The following NR3C2 variants were observed in gnomAD, a reference collection of about 807,000 sequenced individuals.
NR3C2 encodes mineralocorticoid receptor.
A neutral mutation model predicts 86.4 loss-of-function variants in NR3C2; 15 were observed. The observed-to-expected ratio is 0.17, with a 90% CI of 0.12 to 0.27. The LOEUF (loss-of-function observed/expected upper bound fraction) is 0.27. NR3C2 is among the 10% of genes least tolerant of loss of function. NR3C2 has a pLI of 1.00. For missense variants in NR3C2, 960 were observed against 1,195.6 expected, an observed-to-expected ratio of 0.80 and a Z score of 2.91; for synonymous variants, 458 against 450.5, an observed-to-expected ratio of 1.02 and a Z score of -0.21.
chr4:148,202,410 T>C (rs1020195103), intron 3 of NR3C2, among the ~76,000 whole-genome samples: 7 of 152,240 alleles, frequency 4.6e-5, no homozygotes, highest in African/African-American at 1.7e-4. Flanking sequence ...TTCATCCTTT[T>C]GTGGGAGAGC....
chr4:148,344,568 T>C (rs965537104), intron 2 of NR3C2, among the ~76,000 whole-genome samples: 6 of 152,164 alleles, frequency 3.9e-5, no homozygotes, highest in South Asian at 4.1e-4. Flanking sequence ...ACTCAATGAA[T>C]GTTAGCTGCT....
rs547279244 is a variant in NR3C2 at position 148,139,720 on chromosome 4, C to T, written c.2510+12749G>A. Among the ~76,000 whole-genome samples, 9 of 152,252 alleles carry T rather than the reference C, an allele frequency of 5.9e-5. No individual in the cohort carries two copies. The South Asian group carries it at 1.9e-3, about 32-fold the overall frequency. On this transcript the variant is annotated intron_variant, in intron 6 of 8. Coordinates refer to ENST00000358102, the MANE Select transcript of NR3C2 (RefSeq NM_000901.5). Reference sequence around the variant, plus strand: ...TGCACAGTGCGCTTTAATAAGCAGGCCGAGGGTCTCCAAATATGACCTTCT... The same window carrying T: ...TGCACAGTGCGCTTTAATAAGCAGGTCGAGGGTCTCCAAATATGACCTTCT...
At chr4:148,431,015 A>C (rs1483104781) in intron 2 of NR3C2, among the ~76,000 whole-genome samples, 2 of 152,204 alleles carry the variant, frequency 1.3e-5, no homozygotes, top group Non-Finnish European at 2.9e-5. Flanking sequence ...GTCTAAGTCA[A>C]TGTTAGCCCT....
intron 3 of NR3C2, among the ~76,000 whole-genome samples, chr4:148,246,780 T>C (rs1739335801): frequency 6.6e-6 from 1 of 152,184 alleles, no homozygotes; most frequent in African/African-American, 2.4e-5. Context: ...CTCAAACTCC[T>C]GGCCTCAAGT....
rs924765172 is a variant in NR3C2 at position 148,369,287 on chromosome 4, C to T, written c.1757+65817G>A. Among the ~76,000 whole-genome samples the T allele has an allele frequency of 3.9e-5, 6 of 152,154 alleles. No homozygotes were observed. The East Asian group carries it at 9.6e-4, about 24-fold the overall frequency. ...TTACAAATTGACAAAATGAAGATCT[C>T]TTTAGAAAGTTTGTTTCTTAAAGTA... is the stretch of plus-strand genomic sequence containing the variant. On this transcript the variant is annotated intron_variant, in intron 2 of 8. Coordinates refer to ENST00000358102, the MANE Select transcript of NR3C2 (RefSeq NM_000901.5).
At chr4:148,365,733 T>C (rs1040053870) in intron 2 of NR3C2, among the ~76,000 whole-genome samples, 7 of 125,982 alleles carry the variant, frequency 5.6e-5, no homozygotes, top group African/African-American at 1.9e-4. Flanking sequence ...ATAATTTCTA[T>C]TAGCAGCAAA....
chr4:148,122,665 C>A (rs965947410), intron 6 of NR3C2, among the ~76,000 whole-genome samples: 4 of 152,240 alleles, frequency 2.6e-5, no homozygotes, highest in Non-Finnish European at 4.4e-5. Flanking sequence ...AACGGAGGGA[C>A]TGGCTGGAGC....
At chr4:148,163,130 A>G (rs1166709829) in intron 4 of NR3C2, among the ~76,000 whole-genome samples, 2 of 152,222 alleles carry the variant, frequency 1.3e-5, no homozygotes, top group Admixed American at 1.3e-4. Flanking sequence ...TAGATTAGAC[A>G]TTAGGAGAAT....
chr4:148,318,727 G>A (rs13115808), intron 2 of NR3C2, among the ~76,000 whole-genome samples: 1 of 146,374 alleles, frequency 6.8e-6, no homozygotes, highest in African/African-American at 2.4e-5. Context: ...GGGGTTGTTT[G>A]TTTTTTTCTT....
At position 148,143,793 on chromosome 4, in the gene NR3C2, C is replaced by G. The variant is rs1024554628; in HGVS notation, c.2510+8676G>C. On this transcript the variant is annotated intron_variant, in intron 6 of 8. Coordinates refer to ENST00000358102, the MANE Select transcript of NR3C2 (RefSeq NM_000901.5). ...AAACCCCATCTCTACTAAAAAAATA[C>G]AAAATTAACCAGGTGTGGTGGCACA... Among the ~76,000 whole-genome samples the G allele has an allele frequency of 1.5e-4, 23 of 151,606 alleles. 1 individual carries two copies. The highest frequency in any genetic ancestry group is 5.9e-5 in the Non-Finnish European group (4 of 67,894).
rs780468873 is a variant in NR3C2, at chr4:148,081,437, T to C, written c.2862A>G (p.Val954=). 3.1e-6 allele frequency: 5 copies of C among 1,614,142 alleles called. No homozygotes were observed. The highest frequency in any genetic ancestry group is 4.2e-6 in the Non-Finnish European group (5 of 1,180,014). Residue 954 remains valine (V), a synonymous_variant, in exon 9 of 9, where the codon GTA becomes GTG. Coordinates refer to ENST00000358102, the MANE Select transcript of NR3C2 (RefSeq NM_000901.5). The part of the protein sequence containing the change: ...YTFRESHALK[V]EFPAMLVEII... ...TCTCCACCAGCATTGCGGGGAACTCTACCTTCAGCGCATGGGACTCTCGGA... is the reference window on the plus strand; with the variant it reads ...TCTCCACCAGCATTGCGGGGAACTCCACCTTCAGCGCATGGGACTCTCGGA...
rs560087127 is a variant in NR3C2, at chr4:148,097,741, GTTTTTTTTTGTTT to G, written c.2800-16255_2800-16243del. Among the ~76,000 whole-genome samples, 465 of 107,498 alleles carry G rather than the reference GTTTTTTTTTGTTT, an allele frequency of 4.3e-3. 3 individuals carry two copies. The highest frequency in any genetic ancestry group is 0.02 in the African/African-American group (453 of 23,104). The allele number at this position is 107,498 out of a possible 152,430, so 70.5% of individuals were successfully genotyped here. On this transcript the variant is annotated intron_variant, in intron 8 of 8. Transcript: ENST00000358102. ...TTAAAACATGATGAGACTTTTTTGCGTTTTTTTTTGTTTTTTTTTTTTTTTTTAAGCTCATCAG... is the reference window on the plus strand; with the variant it reads ...TTAAAACATGATGAGACTTTTTTGCGTTTTTTTTTTTTTTAAGCTCATCAG...
chr4:148,406,070 G>A (rs1214411283), intron 2 of NR3C2, among the ~76,000 whole-genome samples: 1 of 152,152 alleles, frequency 6.6e-6, no homozygotes, highest in Admixed American at 6.6e-5. Context: ...GAAGCCTGAG[G>A]CAGGAGGACT....
At chr4:148,180,037 T>C (rs1735570955) in intron 4 of NR3C2, among the ~76,000 whole-genome samples, 1 of 151,832 alleles carries the variant, frequency 6.6e-6, no homozygotes, top group Non-Finnish European at 1.5e-5. Context: ...TCAATACACT[T>C]GGGCTTTCTA....
chr4:148,213,229 T>A (rs6857487), intron 3 of NR3C2, among the ~76,000 whole-genome samples: 68,892 of 151,704 alleles, frequency 0.45, 15,940 homozygotes, highest in East Asian at 0.64. Context: ...CTTCTACATA[T>A]GACTCAGGAT....
chr4:148,324,305 CTTTT>C (rs985666781), intron 2 of NR3C2, among the ~76,000 whole-genome samples: 1 of 149,958 alleles, frequency 6.7e-6, no homozygotes, highest in African/African-American at 2.5e-5. Context: ...GGACTTTTTT[CTTTT>C]TTAAGACTGA....
chr4:148,285,262 A>G (rs1429785242), intron 2 of NR3C2, among the ~76,000 whole-genome samples: 1 of 152,216 alleles, frequency 6.6e-6, no homozygotes, highest in Non-Finnish European at 1.5e-5. Flanking sequence ...AGGGTCTTCT[A>G]ATCAGTAACT....
intron 4 of NR3C2, among the ~76,000 whole-genome samples, chr4:148,166,713 A>G (rs959684321): frequency 6.6e-6 from 1 of 151,946 alleles, no homozygotes; most frequent in Non-Finnish European, 1.5e-5. Context: ...GTTTAACGTT[A>G]AAGGTTTTTT....
intron 4 of NR3C2, among the ~76,000 whole-genome samples, chr4:148,173,306 A>T (rs1183486166): frequency 1.3e-5 from 2 of 152,212 alleles, no homozygotes; most frequent in Non-Finnish European, 2.9e-5. Context: ...CTGAAGATTA[A>T]ATCAAGGATT....
Sources: allele counts gnomAD v4.1 joint callset (sites outside exome capture counted in the v4.1 genomes callset), GRCh38; gene constraint gnomAD v4.1.1; transcripts MANE v1.5; gene names NCBI Gene and HGNC (gene_info 2026-07-23, HGNC 2026-07-21).